Variants in ZFP37 observed in about 807,000 individuals in gnomAD.
ZFP37 encodes the protein ZFP37 zinc finger protein, also known as zinc finger protein 37 homolog.
In ZFP37, 38 loss-of-function variants were observed where a neutral mutation model predicts 52.1. The ratio of observed to expected loss-of-function variants is 0.73; its 90% confidence interval spans 0.56 to 0.96. The LOEUF (loss-of-function observed/expected upper bound fraction) is 0.96. ZFP37 is among the 40% of genes least tolerant of loss of function. The pLI, the probability that ZFP37 is intolerant of heterozygous loss-of-function variation, is 0.00. For synonymous variants in ZFP37, 253 were observed against 259.5 expected, an observed-to-expected ratio of 0.98 and a Z score of 0.24; for missense variants, 695 against 741.4, an observed-to-expected ratio of 0.94 and a Z score of 0.73.
intron 1 of ZFP37, 74 bp from the exon 2 acceptor site, chr9:113,049,946 A>G: frequency 1.2e-6 from 2 of 1,604,132 alleles, no homozygotes; most frequent in South Asian, 1.1e-5. Context: ...GTTCATGCTA[A>G]TGTTATCCAC....
chr9:113,042,780 T>C lies in ZFP37; in HGVS notation c.1838A>G (p.Asn613Ser). ...CNECGKTFKQNASLTKHVKTH... is the reference protein window; with the variant it reads ...CNECGKTFKQSASLTKHVKTH... ...TTTCACATGTTTGGTTAGGGATGCA[T>C]TTTGTTTGAAAGTTTTCCCACATTC... Residue 613 changes from asparagine (N) to serine (S), a missense_variant, in exon 4 of 4, where the codon AAT becomes AGT. This residue lies in a region of ZFP37 where 326 missense variants were observed against 400.5 expected (regional missense o/e 0.81). Transcript: ENST00000374227. 6.2e-7 allele frequency: 1 copy of C among 1,607,886 alleles called. No homozygotes were observed. Among genetic ancestry groups the C allele is most frequent in the Non-Finnish European group, 8.5e-7 (1 of 1,176,908 alleles).
rs1365472204 is a variant in ZFP37 at position 113,038,900 on chromosome 9, T to C, written c.*3825A>G. ...AGCACATTCTTCTAGAAGGGGGACT[T>C]TGTGGAAAATTTTAATTTTCTTCAA... On this transcript the variant is annotated 3_prime_UTR_variant, in exon 4 of 4. Coordinates refer to ENST00000374227, the MANE Select transcript of ZFP37 (RefSeq NM_003408.3). The C allele has an allele frequency of 6.6e-6, 1 of 152,182 alleles. No homozygotes were observed. Among genetic ancestry groups the C allele is most frequent in the Non-Finnish European group, 1.5e-5 (1 of 68,028 alleles). The allele number at this position is 152,182 out of a possible 1,614,324, so 9.4% of individuals were successfully genotyped here.
intron 1 of ZFP37, among the ~76,000 whole-genome samples, chr9:113,054,906 C>T (rs1028167617): frequency 7.9e-5 from 12 of 152,264 alleles, no homozygotes; most frequent in East Asian, 3.9e-4. Flanking sequence ...CTCTGCAGTC[C>T]GTCTTCCATG....
chr9:113,044,301 A>C, intron 3 of ZFP37, 33 bp from the exon 4 acceptor site: 1 of 1,509,938 alleles, frequency 6.6e-7, no homozygotes, highest in Non-Finnish European at 8.8e-7. Flanking sequence ...ATTCTTGTGA[A>C]TCTTTGTACT....
chr9:113,043,579 T>A lies in ZFP37; in HGVS notation c.1039A>T (p.Lys347Ter), dbSNP rs1255976070. ...VVHQRTHTGE[K>*]PYECIQCGKA... is the part of the protein sequence containing the mutation. ...CCACACTGAATACATTCATATGGTT[T>A]TTCTCCGGTGTGAGTTCTCTGATGT... The change falls in exon 4 of 4, where the codon AAA becomes TAA. Residue 347 changes from lysine (K) to a stop codon, truncating the protein, a stop_gained. Coordinates refer to ENST00000374227, the MANE Select transcript of ZFP37 (RefSeq NM_003408.3). LOFTEE classifies it high-confidence loss of function. 1 of 1,614,064 alleles carries A rather than the reference T, an allele frequency of 6.2e-7. No homozygotes were observed. The highest frequency in any genetic ancestry group is 8.5e-7 in the Non-Finnish European group (1 of 1,179,950).
At chr9:113,049,981 T>A (rs1304243957) in intron 1 of ZFP37, 109 bp from the exon 2 acceptor site, 3 of 1,540,284 alleles carry the variant, frequency 1.9e-6, no homozygotes, top group Non-Finnish European at 2.6e-6. Context: ...TTGGACAAGA[T>A]AATAATTTGT....
chr9:113,040,432 A>C lies in ZFP37; in HGVS notation c.*2293T>G, dbSNP rs1287738364. On this transcript the variant is annotated 3_prime_UTR_variant, in exon 4 of 4. Transcript: ENST00000374227. Reference sequence around the variant, plus strand: ...GGCTTTCATATTGCATTTTCTTCCCATGTGATAAATAAGTTACTTGGAAAT... The same window carrying C: ...GGCTTTCATATTGCATTTTCTTCCCCTGTGATAAATAAGTTACTTGGAAAT... The C allele has an allele frequency of 6.6e-6, 1 of 152,240 alleles. No individual in the cohort carries two copies. Among genetic ancestry groups the C allele is most frequent in the Non-Finnish European group, 1.5e-5 (1 of 68,044 alleles). The allele number at this position is 152,240 out of a possible 1,614,324, so 9.4% of individuals were successfully genotyped here.
At chr9:113,054,331 T>C (rs1261028821) in intron 1 of ZFP37, among the ~76,000 whole-genome samples, 2 of 152,188 alleles carry the variant, frequency 1.3e-5, no homozygotes, top group African/African-American at 4.8e-5. Context: ...GTTTTTTGTC[T>C]TCTACCAGAC....
chr9:113,040,137 A>T lies in ZFP37; in HGVS notation c.*2588T>A, dbSNP rs1015282791. 4 of 152,210 alleles carry T rather than the reference A, an allele frequency of 2.6e-5. No homozygotes were observed. The highest frequency in any genetic ancestry group is 2.6e-4 in the Admixed American group (4 of 15,274). The allele number at this position is 152,210 out of a possible 1,614,324, so 9.4% of individuals were successfully genotyped here. A position where few individuals can be genotyped will look rare whatever the true frequency, so the allele number is the denominator to read the frequency against. On this transcript the variant is annotated 3_prime_UTR_variant, in exon 4 of 4. Coordinates refer to ENST00000374227, the MANE Select transcript of ZFP37 (RefSeq NM_003408.3). ...AATTGTATTTAGACATCCTTTCCTCATTCATCAATGCTAACTTTTAATTCA... is the reference window on the plus strand; with the variant it reads ...AATTGTATTTAGACATCCTTTCCTCTTTCATCAATGCTAACTTTTAATTCA...
intron 2 of ZFP37, 128 bp from the exon 3 acceptor site, chr9:113,049,624 G>T: frequency 7.0e-7 from 1 of 1,433,938 alleles, no homozygotes; most frequent in Non-Finnish European, 9.3e-7. Flanking sequence ...TGCCAGGTCA[G>T]CTAAATAGAC....
rs761668354 is a variant in ZFP37, at chr9:113,043,010, C to T, written c.1608G>A (p.Gln536=). 6.2e-7 allele frequency: 1 copy of T among 1,613,852 alleles called. No individual in the cohort carries two copies. The highest frequency in any genetic ancestry group is 2.2e-5 in the East Asian group (1 of 44,854). Residue 536 remains glutamine, a synonymous_variant, in exon 4 of 4, where the codon CAG becomes CAA. Coordinates refer to ENST00000374227, the MANE Select transcript of ZFP37 (RefSeq NM_003408.3). The stretch of plus-strand genomic sequence containing the variant: ...ACGGTTTCTCTCCAGTATGAACTCT[C>T]TGATGTTGAGTAAGGCCTTCAATTT... ...FKQIEGLTQH[Q]RVHTGEKPYE...
chr9:113,041,770 ATCTCACATGTTGT>A lies in ZFP37; in HGVS notation c.*942_*954del, dbSNP rs1828851053. On this transcript the variant is annotated 3_prime_UTR_variant, in exon 4 of 4. Coordinates refer to ENST00000374227, the MANE Select transcript of ZFP37 (RefSeq NM_003408.3). Reference sequence around the variant, plus strand: ...TCAAAATCTGAGATCTCACATGTTGATCTCACATGTTGTGGAGGGGCTCAGTGACAACCTTAAA... The same window carrying A: ...TCAAAATCTGAGATCTCACATGTTGAGGAGGGGCTCAGTGACAACCTTAAA... The A allele has an allele frequency of 6.6e-6, 1 of 152,322 alleles. No individual in the cohort carries two copies. The highest frequency in any genetic ancestry group is 6.5e-5 in the Admixed American group (1 of 15,304). The allele number at this position is 152,322 out of a possible 1,614,324, so 9.4% of individuals were successfully genotyped here. A position where few individuals can be genotyped will look rare whatever the true frequency, so the allele number is the denominator to read the frequency against.
At position 113,044,095 on chromosome 9, in the gene ZFP37, G is replaced by A; in HGVS notation, c.523C>T (p.Leu175Phe). The A allele has an allele frequency of 6.2e-7, 1 of 1,610,988 alleles. No individual in the cohort carries two copies. The highest frequency in any genetic ancestry group is 8.5e-7 in the Non-Finnish European group (1 of 1,179,302). The change falls in exon 4 of 4, where the codon CTT becomes TTT. Residue 175 changes from leucine to phenylalanine, a missense_variant. Coordinates refer to ENST00000374227, the MANE Select transcript of ZFP37 (RefSeq NM_003408.3). ...ATTTTTCCACATGACTCAAATTTAA[G>A]AAGCCTTTTCTTTGAAGGAACATGT... The part of the protein sequence containing the change: ...KKHVPSKKRL[L>F]KFESCGKILK...
chr9:113,044,170 T>G lies in ZFP37; in HGVS notation c.448A>C (p.Asn150His), dbSNP rs1270464747. 2 of 1,609,304 alleles carry G rather than the reference T, an allele frequency of 1.2e-6. No individual in the cohort carries two copies. The highest frequency in any genetic ancestry group is 4.5e-5 in the East Asian group (2 of 44,844). Residue 150 changes from asparagine (N) to histidine (H), a missense_variant, in exon 4 of 4, where the codon AAT (asparagine) becomes CAT (histidine). Transcript: ENST00000374227. ...CCCAGTGAACCACAGTCACTGCCAT[T>G]CTTCTTAGCTTGAGTTTTCTTCTTG... ...AVKKKTQAKKNGSDCGSLGKK... is the reference protein window; with the variant it reads ...AVKKKTQAKKHGSDCGSLGKK...
rs1829029810 is a variant in ZFP37, at chr9:113,050,081, A to G, written c.133-209T>C. 6.6e-6 allele frequency: 5 copies of G among 756,998 alleles called. No individual in the cohort carries two copies. The East Asian group carries it at 1.3e-4, about 20-fold the overall frequency. The allele number at this position is 756,998 out of a possible 1,614,324, so 46.9% of individuals were successfully genotyped here. ...TTCATTATTTTGAGAAACAAAAACC[A>G]TATTAAGAAATGTCCCTACTGAGCT... On this transcript the variant is annotated intron_variant, in intron 1 of 3. Transcript: ENST00000374227.
Position 113,044,214 on chromosome 9 carries a change from A to C in ZFP37, c.404T>G (p.Leu135Arg), listed in dbSNP as rs946146466. ...CTTCTTGACTGCAACTTCCCTGAGG[A>C]GTTTGTTTTGAGATTTCTGGATATT... ...LENIQKSQNKLLREVAVKKKT... is the reference protein window; with the variant it reads ...LENIQKSQNKRLREVAVKKKT... Residue 135 changes from leucine to arginine, a missense_variant, in exon 4 of 4, where the codon CTC (leucine) becomes CGC (arginine). Physicochemically the swap from Leu to Arg is moderately radical, Grantham distance 102 (BLOSUM62 -2). Coordinates refer to ENST00000374227, the MANE Select transcript of ZFP37 (RefSeq NM_003408.3). The C allele has an allele frequency of 1.3e-6, 2 of 1,582,348 alleles. No homozygotes were observed. The highest frequency in any genetic ancestry group is 2.7e-5 in the African/African-American group (2 of 72,798).
chr9:113,051,970 G>T (rs1381733227), intron 1 of ZFP37, among the ~76,000 whole-genome samples: 1 of 152,046 alleles, frequency 6.6e-6, no homozygotes, highest in African/African-American at 2.4e-5. Context: ...CCAGCCACTT[G>T]CCCCCACAGA....
At chr9:113,050,857 A>C (rs1430448731) in intron 1 of ZFP37, among the ~76,000 whole-genome samples, 1 of 151,718 alleles carries the variant, frequency 6.6e-6, no homozygotes, top group Non-Finnish European at 1.5e-5. Context: ...AGATCAAGCC[A>C]TTGCTCTCCA....
rs1330979932 is a variant in ZFP37 at position 113,043,985 on chromosome 9, T to C, written c.633A>G (p.Ser211=). 2 of 1,614,114 alleles carry C rather than the reference T, an allele frequency of 1.2e-6. No homozygotes were observed. Among genetic ancestry groups the C allele is most frequent in the East Asian group, 4.5e-5 (2 of 44,872 alleles). ...TTGTATCAGATAAGCTATGGTTGAA[T>C]GACTTCTTGTGTTCTTTAGCTGCAT... ...KSDAAKEHKK[S]FNHSLSDTRK... Residue 211 remains serine (S), a synonymous_variant, in exon 4 of 4, where the codon TCA becomes TCG. Transcript: ENST00000374227.
Sources: allele counts gnomAD v4.1 joint callset (sites outside exome capture counted in the v4.1 genomes callset), GRCh38; gene constraint gnomAD v4.1.1; regional missense constraint gnomAD v4.1.1; transcripts MANE v1.5; gene names NCBI Gene and HGNC (gene_info 2026-07-23, HGNC 2026-07-21).